TDRD1: variants seen among roughly 807,000 people sequenced by gnomAD.
TDRD1 encodes tudor domain-containing protein 1.
In TDRD1, 37 loss-of-function variants were observed where a neutral mutation model predicts 140.6. The ratio of observed to expected loss-of-function variants is 0.26; its 90% CI spans 0.20 to 0.35. The LOEUF (loss-of-function observed/expected upper bound fraction) is 0.35, where lower values mean the gene tolerates loss of function less well. TDRD1 is among the 10% of genes least tolerant of loss of function. TDRD1 has a pLI of 1.00. For missense variants in TDRD1, 1,243 were observed against 1,393.0 expected, an observed-to-expected ratio of 0.89 and a Z score of 1.71; for synonymous variants, 506 against 475.7, an observed-to-expected ratio of 1.06 and a Z score of -0.83.
chr10:114,178,840 T>C (rs1235110354), upstream of TDRD1, among the ~76,000 whole-genome samples: 1 of 148,270 alleles, frequency 6.7e-6, no homozygotes, highest in Non-Finnish European at 1.5e-5. Flanking sequence ...AGGGTTCCCT[T>C]ATGAAATTGT....
intron 11 of TDRD1, among the ~76,000 whole-genome samples, chr10:114,210,033 G>A (rs993855610): frequency 1.3e-5 from 2 of 152,048 alleles, no homozygotes; most frequent in African/African-American, 2.4e-5. Context: ...ACTTTTCACT[G>A]TGCTTTTGAA....
intron 23 of TDRD1, among the ~76,000 whole-genome samples, chr10:114,227,542 G>A (rs1317521372): frequency 2.6e-5 from 4 of 152,154 alleles, no homozygotes; most frequent in Non-Finnish European, 5.9e-5. Context: ...TTGACACCAA[G>A]AGCTTTGAAA....
rs182712134 is a variant in TDRD1 at position 114,209,526 on chromosome 10, G to T, written c.1385-1055G>T. On this transcript the variant is annotated intron_variant, in intron 11 of 25. Transcript: ENST00000251864. ...GTGATTTCTTTTGGAAACATTTTAA[G>T]AAATGGTTTTTAATTTGAGCCTATC... Among the ~76,000 whole-genome samples the T allele has an allele frequency of 4.6e-5, 7 of 152,306 alleles. No homozygotes were observed. In the East Asian group the frequency reaches 1.4e-3, roughly 29 times the overall value.
At chr10:114,224,306 C>G (rs1401145372) in intron 21 of TDRD1, among the ~76,000 whole-genome samples, 2 of 152,214 alleles carry the variant, frequency 1.3e-5, no homozygotes, top group Non-Finnish European at 2.9e-5. Context: ...ATTCCGGATT[C>G]CACAAACTTT....
intron 16 of TDRD1, 84 bp downstream of exon 16, chr10:114,214,198 A>G (rs1423294509): frequency 1.6e-6 from 2 of 1,220,636 alleles, no homozygotes; most frequent in Non-Finnish European, 2.3e-6. Flanking sequence ...ACTAAGTGAT[A>G]AAAGTACCTC....
At chr10:114,200,911 A>G (rs1270675839) in intron 4 of TDRD1, among the ~76,000 whole-genome samples, 4 of 130,972 alleles carry the variant, frequency 3.1e-5, no homozygotes, top group African/African-American at 1.2e-4. Context: ...TGTGGAGTGC[A>G]GTGGTACAAT....
chr10:114,214,571 G>A (rs1441788869), intron 16 of TDRD1, among the ~76,000 whole-genome samples: 1 of 152,114 alleles, frequency 6.6e-6, no homozygotes, highest in East Asian at 1.9e-4. Flanking sequence ...TTGTGTTGAA[G>A]TATTAGTGTA....
At chr10:114,210,057 A>G (rs1406107015) in intron 11 of TDRD1, among the ~76,000 whole-genome samples, 1 of 152,124 alleles carries the variant, frequency 6.6e-6, no homozygotes, top group African/African-American at 2.4e-5. Flanking sequence ...TTTCCTTCTT[A>G]AACTCTTAGG....
At chr10:114,211,727 A>G in intron 13 of TDRD1, 139 bp from the exon 14 acceptor site, 1 of 823,444 alleles carries the variant, frequency 1.2e-6, no homozygotes, top group Non-Finnish European at 1.8e-6. Flanking sequence ...GATAAGCAAA[A>G]TTAGTAAACA....
chr10:114,208,527 A>T (rs746923942), intron 11 of TDRD1, among the ~76,000 whole-genome samples: 52 of 152,192 alleles, frequency 3.4e-4, no homozygotes, highest in Admixed American at 1.2e-3. Context: ...AGCTAGCGAC[A>T]TCACCATGCT....
intron 11 of TDRD1, 137 bp from the exon 12 acceptor site, chr10:114,210,444 T>C (rs1281382232): frequency 2.5e-6 from 2 of 800,886 alleles, no homozygotes; most frequent in African/African-American, 3.5e-5. Flanking sequence ...AGAAACACCA[T>C]GACCTCTCAG....
At chr10:114,210,877 C>G (rs766500424) in exon 13 of TDRD1, 21 of 1,614,110 alleles carry the variant, frequency 1.3e-5, no homozygotes, top group Non-Finnish European at 1.7e-5. Context: ...TGCTGAACTT[C>G]AGGCATCCCT....
exon 10 of TDRD1, chr10:114,204,851 G>C: frequency 1.3e-6 from 2 of 1,597,348 alleles, no homozygotes; most frequent in Non-Finnish European, 1.7e-6. Context: ...CTTGGAAGAG[G>C]AAGTGGTTAC....
At chr10:114,216,414 A>C (rs1034393292) in intron 16 of TDRD1, among the ~76,000 whole-genome samples, 5 of 152,106 alleles carry the variant, frequency 3.3e-5, no homozygotes, top group Non-Finnish European at 7.4e-5. Context: ...TGTTTGAGCC[A>C]TTCTGATGAG....
At chr10:114,206,223 A>AT in intron 10 of TDRD1, 21 bp from the exon 11 acceptor site, 2 of 1,583,082 alleles carry the variant, frequency 1.3e-6, no homozygotes, top group Non-Finnish European at 1.7e-6. Context: ...ATGGAGGCAT[A>AT]TTTTCTTAAT....
chr10:114,204,190 A>G (rs2034952286), exon 9 of TDRD1: 3 of 1,595,334 alleles, frequency 1.9e-6, no homozygotes, highest in Non-Finnish European at 2.6e-6. Flanking sequence ...CCACCTCAAC[A>G]GGAACATTGA....
intron 1 of TDRD1, among the ~76,000 whole-genome samples, chr10:114,186,314 A>G (rs971889506): frequency 6.6e-6 from 1 of 152,058 alleles, no homozygotes; most frequent in African/African-American, 2.4e-5. Context: ...CCCAGGTTGA[A>G]GTGCAGTGGC....
Position 114,227,671 on chromosome 10 carries a change from C to T in TDRD1, c.3404-239C>T, listed in dbSNP as rs570651404. ...CTTCATAAGATGTATATTTGACAGA[C>T]CTGGCCTCAATCAAAAAGAGAGATG... On this transcript the variant is annotated intron_variant, in intron 23 of 25. Transcript: ENST00000251864. 1.8e-4 allele frequency among the ~76,000 whole-genome samples: 28 copies of T among 152,314 alleles called. No individual in the cohort carries two copies. In the East Asian group the frequency reaches 2.5e-3, roughly 14 times the overall value.
chr10:114,201,560 G>A, intron 5 of TDRD1, 45 bp downstream of exon 5: 1 of 1,524,368 alleles, frequency 6.6e-7, no homozygotes, highest in South Asian at 1.1e-5. Context: ...TATGTAAAAG[G>A]TTCTGATACA....
Sources: gnomAD v4.1 joint callset for allele counts (sites outside exome capture counted in the v4.1 genomes callset) on GRCh38, gnomAD v4.1.1 for gene constraint, MANE v1.5 for transcripts, NCBI Gene and HGNC (gene_info 2026-07-23, HGNC 2026-07-21) for gene names.